Variants in TNC observed in about 807,000 individuals in gnomAD.
TNC encodes the protein tenascin.
A neutral mutation model predicts 202.4 loss-of-function variants in TNC; 109 were observed. That is an observed-to-expected ratio of 0.54 (90% CI 0.46 to 0.63). The LOEUF (loss-of-function observed/expected upper bound fraction) is 0.63. TNC is among the 30% of genes least tolerant of loss of function. TNC has a pLI of 0.00. For missense variants in TNC, 2,756 were observed against 2,833.3 expected (o/e 0.97, Z 0.62); for synonymous variants, 1,007 against 1,089.7 (o/e 0.92, Z 1.50).
chr9:115,044,384 GAC>G (rs113847516), intron 17 of TNC, among the ~76,000 whole-genome samples: 13,371 of 147,054 alleles, frequency 0.091, 659 homozygotes, highest in Middle Eastern at 0.18. Context: ...CAGGCATGTA[GAC>G]ACACACACAC....
intron 6 of TNC, among the ~76,000 whole-genome samples, chr9:115,078,547 G>A (rs1834059370): frequency 6.6e-6 from 1 of 151,052 alleles, no homozygotes; most frequent in Non-Finnish European, 1.5e-5. Flanking sequence ...GTTCTCATAA[G>A]TTGAGGAAAC....
chr9:115,024,264 C>T (rs1829307169), intron 26 of TNC, 128 bp from the exon 27 acceptor site: 1 of 900,842 alleles, frequency 1.1e-6, no homozygotes, highest in Admixed American at 2.4e-5. Context: ...ACATTGATCC[C>T]AGAGTCAGCA....
At chr9:115,027,352 G>A (rs1361312904) in intron 25 of TNC, among the ~76,000 whole-genome samples, 3 of 152,050 alleles carry the variant, frequency 2.0e-5, no homozygotes, top group Non-Finnish European at 2.9e-5. Flanking sequence ...CACTTTGGGA[G>A]GCCAAGGTGG....
At chr9:115,054,126 G>C (rs1366558975) in intron 15 of TNC, among the ~76,000 whole-genome samples, 1 of 152,176 alleles carries the variant, frequency 6.6e-6, no homozygotes, top group Non-Finnish European at 1.5e-5. Context: ...TTAAGATCAG[G>C]ATTTAGGGTT....
chr9:115,077,308 G>A (rs1402206603), intron 7 of TNC, among the ~76,000 whole-genome samples: 2 of 152,142 alleles, frequency 1.3e-5, no homozygotes, highest in South Asian at 4.1e-4. Flanking sequence ...CGCCCGCCTT[G>A]GCCTCCCAAA....
chr9:115,025,397 C>A (rs1289700606), intron 26 of TNC, among the ~76,000 whole-genome samples: 3 of 152,144 alleles, frequency 2.0e-5, no homozygotes, highest in Non-Finnish European at 1.5e-5. Context: ...CTTTGGCAAC[C>A]TTTTATCTGG....
At chr9:115,098,862 C>T (rs1051919716) in intron 1 of TNC, among the ~76,000 whole-genome samples, 20 of 151,934 alleles carry the variant, frequency 1.3e-4, no homozygotes, top group Admixed American at 3.3e-4. Flanking sequence ...CACCCTTTGT[C>T]CTTCCCAACA....
At chr9:115,046,037 G>T (rs1329064273) in intron 17 of TNC, among the ~76,000 whole-genome samples, 2 of 151,716 alleles carry the variant, frequency 1.3e-5, no homozygotes, top group Non-Finnish European at 2.9e-5. Flanking sequence ...GAGATATGAT[G>T]AGATAATAGA....
In TNC at chr9:115,057,080, GAGA is replaced by G; in HGVS notation, c.4579+70_4579+72del. On this transcript the variant is annotated intron_variant, in intron 15 of 27. Coordinates refer to ENST00000350763, the MANE Select transcript of TNC (RefSeq NM_002160.4). Reference sequence around the variant, plus strand: ...TGTGGCTTGTACATCAATGGGAGAGGAGAAGGAGAGGCTTCACCCTGCAAAGAA... The same window carrying G: ...TGTGGCTTGTACATCAATGGGAGAGGAGGAGAGGCTTCACCCTGCAAAGAA... The G allele has an allele frequency of 3.3e-6, 5 of 1,515,080 alleles. No individual in the cohort carries two copies. In the South Asian group the frequency reaches 6.5e-5, roughly 20 times the overall value. The allele number at this position is 1,515,080 out of a possible 1,614,324, so 93.9% of individuals were successfully genotyped here.
intron 1 of TNC, among the ~76,000 whole-genome samples, chr9:115,093,897 A>G (rs1835420227): frequency 3.3e-5 from 5 of 151,976 alleles, no homozygotes; most frequent in Admixed American, 3.3e-4. Flanking sequence ...AGCATTGTGT[A>G]TTTCCTATTG....
At position 115,084,421 on chromosome 9, in the gene TNC, T is replaced by C. The variant is rs759893557; in HGVS notation, c.1919A>G (p.Asn640Ser). The change falls in exon 4 of 28, where the codon AAC becomes AGC. Residue 640 changes from asparagine (N) to serine (S), a missense_variant. By Grantham distance (46) the Asn-to-Ser change is conservative. Coordinates refer to ENST00000350763, the MANE Select transcript of TNC (RefSeq NM_002160.4). Reference sequence around the variant, plus strand: ...CCGCATCTCATTGTCCCAGGCCAGGTTGACCGTCTCTTCCGTCACTTCTGT... The same window carrying C: ...CCGCATCTCATTGTCCCAGGCCAGGCTGACCGTCTCTTCCGTCACTTCTGT... ...VVTEVTEETV[N>S]LAWDNEMRVT... is the part of the protein sequence containing the mutation. 2.5e-6 allele frequency: 4 copies of C among 1,614,074 alleles called. No individual in the cohort carries two copies. The highest frequency in any genetic ancestry group is 2.2e-5 in the East Asian group (1 of 44,882).
intron 21 of TNC, 102 bp from the exon 22 acceptor site, chr9:115,035,436 A>G (rs1830252778): frequency 3.1e-6 from 4 of 1,274,980 alleles, no homozygotes; most frequent in Non-Finnish European, 4.3e-6. Context: ...TTTCCCTACC[A>G]CTGAACTACG....
At chr9:115,078,625 T>G (rs539936722) in intron 6 of TNC, among the ~76,000 whole-genome samples, 1 of 152,234 alleles carries the variant, frequency 6.6e-6, no homozygotes, top group South Asian at 2.1e-4. Flanking sequence ...AGGCAAAACT[T>G]CCTGGATGTT....
intron 10 of TNC, among the ~76,000 whole-genome samples, chr9:115,068,359 G>C (rs1268644578): frequency 6.6e-6 from 1 of 152,158 alleles, no homozygotes; most frequent in South Asian, 2.1e-4. Context: ...AGGAATTTCT[G>C]ACAGTGCCAA....
chr9:115,059,848 A>C lies in TNC; in HGVS notation c.4188T>G (p.Pro1396=). 6.2e-7 allele frequency: 1 copy of C among 1,614,066 alleles called. No individual in the cohort carries two copies. The highest frequency in any genetic ancestry group is 8.5e-7 in the Non-Finnish European group (1 of 1,180,010). Residue 1396 remains proline, a synonymous_variant, in exon 14 of 28, where the codon CCT becomes CCG. Coordinates refer to ENST00000350763, the MANE Select transcript of TNC (RefSeq NM_002160.4). ...KVEAAQNLTL[P]GSLRAVDIPG... ...GGATGTCCACAGCCCTGAGGCTGCC[A>C]GGCAACGTGAGGTTCTGGGCTGCCT...
intron 26 of TNC, among the ~76,000 whole-genome samples, chr9:115,025,615 C>T (rs567497716): frequency 1.3e-5 from 2 of 152,086 alleles, no homozygotes; most frequent in Middle Eastern, 3.4e-3. Context: ...AGGATTGCAT[C>T]CACCTTCTAC....
chr9:115,087,637 T>C (rs1834885021), intron 2 of TNC, among the ~76,000 whole-genome samples: 1 of 151,144 alleles, frequency 6.6e-6, no homozygotes, highest in South Asian at 2.1e-4. Flanking sequence ...CCTATGATGA[T>C]TATGAGTCAC....
chr9:115,088,187 C>T (rs1834943148), intron 2 of TNC, among the ~76,000 whole-genome samples: 1 of 152,174 alleles, frequency 6.6e-6, no homozygotes, highest in Non-Finnish European at 1.5e-5. Context: ...AGCCCACTTC[C>T]CTGGGGTATA....
intron 17 of TNC, among the ~76,000 whole-genome samples, chr9:115,043,387 T>G (rs947790535): frequency 1.3e-5 from 2 of 152,206 alleles, no homozygotes; most frequent in African/African-American, 4.8e-5. Flanking sequence ...GTTTTTGCCC[T>G]GCCCATGGAA....
Sources: gnomAD v4.1 joint callset for allele counts (sites outside exome capture counted in the v4.1 genomes callset) on GRCh38, gnomAD v4.1.1 for gene constraint, MANE v1.5 for transcripts, NCBI Gene and HGNC (gene_info 2026-07-23, HGNC 2026-07-21) for gene names.